Variants in ALS2 observed in about 807,000 individuals in gnomAD.
ALS2 encodes the protein alsin Rho guanine nucleotide exchange factor ALS2.
Under a neutral mutation model 203.4 loss-of-function variants are expected in ALS2, and 117 were observed. That is an observed-to-expected ratio of 0.58 (90% CI 0.50 to 0.67). ALS2 has a LOEUF of 0.67. Among genes scored for constraint, ALS2 ranks in the 30% least tolerant of loss-of-function variants. The pLI, the probability that ALS2 is intolerant of heterozygous loss-of-function variation, is 0.00. For synonymous variants in ALS2, 718 were observed against 725.9 expected (o/e 0.99, Z 0.17); for missense variants, 1,715 against 1,989.4 (o/e 0.86, Z 2.62).
intron 1 of ALS2, among the ~76,000 whole-genome samples, chr2:201,777,046 G>T (rs888741761): frequency 6.6e-6 from 1 of 152,166 alleles, no homozygotes; most frequent in South Asian, 2.1e-4. Flanking sequence ...TAACTACGTT[G>T]TAATAAAATG....
At chr2:201,717,109 T>G (rs1047229783) in intron 24 of ALS2, among the ~76,000 whole-genome samples, 23 of 151,108 alleles carry the variant, frequency 1.5e-4, no homozygotes, top group South Asian at 4.2e-4. Flanking sequence ...CCACTTGGGG[T>G]GTGTGTGTGT....
At position 201,726,747 on chromosome 2, in the gene ALS2, A is replaced by T. The variant is rs778609581; in HGVS notation, c.3099T>A (p.Ser1033Arg). Reference protein sequence around the residue: ...VQRQEPPISRSAKYTFYKDPR... With the variant: ...VQRQEPPISRRAKYTFYKDPR... ...GATCCTTGTAGAAAGTATATTTGGC[A>T]CTGCGTGAAATGGGTGGTTCCTGTC... The change falls in exon 18 of 34, where the codon AGT (serine) becomes AGA (arginine). Residue 1033 changes from serine to arginine, a missense_variant. By Grantham distance (110) the Ser-to-Arg change is moderately radical (BLOSUM62 -1). Around this residue, in one of 3 missense-constraint regions of ALS2, gnomAD observed 1,227 missense variants for 1,413.5 expected, o/e 0.87. Coordinates refer to ENST00000264276, the MANE Select transcript of ALS2 (RefSeq NM_020919.4). 9 of 1,614,182 alleles carry T rather than the reference A, an allele frequency of 5.6e-6. No individual in the cohort carries two copies. Among genetic ancestry groups the T allele is most frequent in the Non-Finnish European group, 7.6e-6 (9 of 1,180,024 alleles).
chr2:201,720,326 C>T (rs932131921), intron 23 of ALS2, among the ~76,000 whole-genome samples: 5 of 151,970 alleles, frequency 3.3e-5, no homozygotes, highest in African/African-American at 1.2e-4. Flanking sequence ...AGACAAGCAA[C>T]CAATATAATA....
intron 1 of ALS2, among the ~76,000 whole-genome samples, chr2:201,769,965 T>C (rs181342028): frequency 1.3e-5 from 2 of 152,352 alleles, no homozygotes; most frequent in Admixed American, 6.5e-5. Context: ...TTTAGAAAGA[T>C]TATGAATCAT....
chr2:201,779,694 C>T (rs1694812870), intron 1 of ALS2, among the ~76,000 whole-genome samples: 1 of 152,136 alleles, frequency 6.6e-6, no homozygotes, highest in Admixed American at 6.5e-5. Context: ...ATCAGGAAAA[C>T]ATTTTTATCC....
chr2:201,758,022 T>G (rs1250544512), intron 4 of ALS2, among the ~76,000 whole-genome samples: 2 of 152,130 alleles, frequency 1.3e-5, no homozygotes, highest in Non-Finnish European at 2.9e-5. Context: ...TATTTCAAAA[T>G]AAGCCTCGGC....
At position 201,726,750 on chromosome 2, in the gene ALS2, G is replaced by A. The variant is rs747945855; in HGVS notation, c.3096C>T (p.Arg1032=). The change falls in exon 18 of 34, where the codon CGC becomes CGT. Residue 1032 remains arginine, a synonymous_variant. Coordinates refer to ENST00000264276, the MANE Select transcript of ALS2 (RefSeq NM_020919.4). ...SVQRQEPPIS[R]SAKYTFYKDP... is the part of the protein sequence containing the mutation. ...CCTTGTAGAAAGTATATTTGGCACT[G>A]CGTGAAATGGGTGGTTCCTGTCTCT... is the stretch of plus-strand genomic sequence containing the variant. 2.4e-5 allele frequency: 39 copies of A among 1,614,178 alleles called. No individual in the cohort carries two copies. The East Asian group carries it at 5.1e-4, about 21-fold the overall frequency.
chr2:201,721,311 A>T (rs1690779051), intron 23 of ALS2, among the ~76,000 whole-genome samples: 1 of 152,248 alleles, frequency 6.6e-6, no homozygotes, highest in South Asian at 2.1e-4. Context: ...TTGATAAGCC[A>T]GTCCTAAAAT....
chr2:201,714,287 T>TC (rs1427956733), intron 25 of ALS2, among the ~76,000 whole-genome samples: 1 of 152,220 alleles, frequency 6.6e-6, no homozygotes, highest in African/African-American at 2.4e-5. Flanking sequence ...AAGCTGGGAC[T>TC]GTGGAATTTG....
rs914513878 is a variant in ALS2 at position 201,701,637 on chromosome 2, A to AT, written c.*213dup. ...ATAGGCCAAGAACTGGTCTAATCTG[A>AT]TTTTTTACCTCCCTTTCAATCCTCC... On this transcript the variant is annotated 3_prime_UTR_variant, in exon 34 of 34. Transcript: ENST00000264276. The AT allele has an allele frequency of 2.5e-5, 14 of 561,830 alleles. No homozygotes were observed. Among genetic ancestry groups the AT allele is most frequent in the African/African-American group, 2.5e-4 (13 of 52,974 alleles). 34.8% of individuals were successfully genotyped at this position (561,830 alleles called of 1,614,324 possible).
intron 23 of ALS2, among the ~76,000 whole-genome samples, chr2:201,719,460 G>A (rs538115922): frequency 1.1e-4 from 17 of 152,252 alleles, no homozygotes; most frequent in African/African-American, 1.7e-4. Flanking sequence ...ACGGTGGCAC[G>A]TGCCTGTAAT....
chr2:201,757,546 G>A lies in ALS2; in HGVS notation c.1327C>T (p.Pro443Ser), dbSNP rs770582650. The change falls in exon 5 of 34, where the codon CCC becomes TCC. Residue 443 changes from proline (P) to serine (S), a missense_variant. Pro to Ser is a moderately conservative substitution (Grantham distance 74). Around this residue, in one of 3 missense-constraint regions of ALS2, gnomAD observed 476 missense variants for 539.3 expected, o/e 0.88. Coordinates refer to ENST00000264276, the MANE Select transcript of ALS2 (RefSeq NM_020919.4). ...TCCCTGCTATCTTTCAAACCTTCGG[G>A]GCCAATGGCACTACTGCCTGCCTGA... is the stretch of plus-strand genomic sequence containing the variant. ...GAQAGSSAIG[P>S]EGLKDSREEQ... The A allele has an allele frequency of 4.3e-6, 7 of 1,613,978 alleles. No individual in the cohort carries two copies. The South Asian group carries it at 5.5e-5, about 13-fold the overall frequency.
chr2:201,744,523 T>G (rs1359578202), intron 9 of ALS2, 94 bp from the exon 10 acceptor site: 5 of 1,289,718 alleles, frequency 3.9e-6, no homozygotes, highest in Non-Finnish European at 5.5e-6. Context: ...TGACAAGAGC[T>G]AACTGTTAAA....
intron 10 of ALS2, among the ~76,000 whole-genome samples, chr2:201,743,019 C>T (rs149403217): frequency 3.7e-4 from 54 of 146,980 alleles, no homozygotes; most frequent in African/African-American, 9.0e-4. Flanking sequence ...TGCAGTGAGC[C>T]GAGATTGTGC....
chr2:201,743,596 T>A (rs1170043759), intron 10 of ALS2, among the ~76,000 whole-genome samples: 1 of 152,144 alleles, frequency 6.6e-6, no homozygotes, highest in African/African-American at 2.4e-5. Flanking sequence ...GCAATTCTCC[T>A]GCCTCAGCCT....
intron 3 of ALS2, chr2:201,765,667 T>G (rs1694038047): frequency 6.0e-6 from 1 of 167,092 alleles, no homozygotes; most frequent in South Asian, 2.1e-4. Context: ...CAGAAATTTA[T>G]AAATTAGTGA....
rs1553514645 is a variant in ALS2 at position 201,758,744 on chromosome 2, A to ATGTGTGTGTGTGCGCATGTG, written c.1114-1005_1114-986dup. Among the ~76,000 whole-genome samples the ATGTGTGTGTGTGCGCATGTG allele has an allele frequency of 3.4e-3, 341 of 99,994 alleles. 1 individual carries two copies. Among genetic ancestry groups the ATGTGTGTGTGTGCGCATGTG allele is most frequent in the African/African-American group, 0.013 (326 of 25,908 alleles). The allele number at this position is 99,994 out of a possible 152,430, so 65.6% of individuals were successfully genotyped here. A position where few individuals can be genotyped will look rare whatever the true frequency, so the allele number is the denominator to read the frequency against. ...TGTCCTAAACTAAAATACAAATATAATGTGTGTGTGTGCGCATGTGTGTGT... is the reference window on the plus strand; with the variant it reads ...TGTCCTAAACTAAAATACAAATATAATGTGTGTGTGTGCGCATGTGTGTGTGTGTGTGCGCATGTGTGTGT... On this transcript the variant is annotated intron_variant, in intron 4 of 33. Transcript: ENST00000264276.
chr2:201,729,237 G>A, intron 13 of ALS2, 54 bp from the exon 14 acceptor site: 1 of 1,580,248 alleles, frequency 6.3e-7, no homozygotes, highest in Admixed American at 1.8e-5. Flanking sequence ...AAACCATTAT[G>A]CAGAATCTGT....
At chr2:201,767,620 T>C (rs985606834) in intron 2 of ALS2, among the ~76,000 whole-genome samples, 2 of 151,372 alleles carry the variant, frequency 1.3e-5, no homozygotes, top group Non-Finnish European at 2.9e-5. Flanking sequence ...CCCAGCCCTT[T>C]GGGAGGCCGA....
Sources: gnomAD v4.1 joint callset for allele counts (sites outside exome capture counted in the v4.1 genomes callset) on GRCh38, gnomAD v4.1.1 for gene constraint, gnomAD v4.1.1 regional missense constraint, MANE v1.5 for transcripts, NCBI Gene and HGNC (gene_info 2026-07-23, HGNC 2026-07-21) for gene names.